BACH2: variants seen among roughly 807,000 people sequenced by gnomAD.
BACH2 encodes the protein BACH transcriptional regulator 2, also known as transcription regulator protein BACH2.
In BACH2, 5 loss-of-function variants were observed where a neutral mutation model predicts 61.8. The ratio of observed to expected loss-of-function variants is 0.08; its 90% CI spans 0.04 to 0.17. The LOEUF is 0.17. BACH2 is among the 10% of genes least tolerant of loss of function. The probability of loss-of-function intolerance (pLI) is 1.00; values close to 1 mark genes in which losing one functional copy is unlikely to be tolerated. For synonymous variants in BACH2, 446 were observed against 440.1 expected (o/e 1.01, Z -0.17); for missense variants, 824 against 1,091.1 (o/e 0.76, Z 3.45).
chr6:90,100,726 C>CAA (rs1342141921), intron 4 of BACH2, among the ~76,000 whole-genome samples: 1 of 94,366 alleles, frequency 1.1e-5, no homozygotes, highest in Non-Finnish European at 2.2e-5. Flanking sequence ...CACACACACA[C>CAA]AGACACACAC....
At chr6:90,271,510 G>A (rs1771524052) in intron 2 of BACH2, among the ~76,000 whole-genome samples, 1 of 151,930 alleles carries the variant, frequency 6.6e-6, no homozygotes, top group African/African-American at 2.4e-5. Context: ...TACAATTTAT[G>A]TGGTTTTTCT....
intron 1 of BACH2, among the ~76,000 whole-genome samples, chr6:90,292,350 C>T (rs995212794): frequency 6.6e-6 from 1 of 152,198 alleles, no homozygotes; most frequent in African/African-American, 2.4e-5. Flanking sequence ...TAAATCAAAA[C>T]TATTATTTTG....
intron 5 of BACH2, among the ~76,000 whole-genome samples, chr6:90,022,539 G>A (rs765994303): frequency 2.0e-5 from 3 of 152,312 alleles, no homozygotes; most frequent in South Asian, 4.1e-4. Context: ...AGCCAAGATC[G>A]TGCCACTGCA....
intron 4 of BACH2, among the ~76,000 whole-genome samples, chr6:90,117,681 G>A (rs143255180): frequency 6.9e-4 from 105 of 152,194 alleles, no homozygotes; most frequent in Admixed American, 1.6e-3. Flanking sequence ...ATGAACAAAG[G>A]AACTAATCCA....
intron 6 of BACH2, among the ~76,000 whole-genome samples, chr6:89,972,402 C>T (rs1775418069): frequency 6.6e-6 from 1 of 152,130 alleles, no homozygotes; most frequent in South Asian, 2.1e-4. Flanking sequence ...TTGGCGAAGT[C>T]TGAGAGTATA....
chr6:89,972,639 C>T (rs895406687), intron 6 of BACH2, among the ~76,000 whole-genome samples: 1 of 152,096 alleles, frequency 6.6e-6, no homozygotes, highest in African/African-American at 2.4e-5. Context: ...AATTCTGTAG[C>T]CTGGGGCTTT....
intron 5 of BACH2, among the ~76,000 whole-genome samples, chr6:90,023,464 TGTAA>T (rs1031472929): frequency 6.6e-6 from 1 of 152,146 alleles, no homozygotes; most frequent in African/African-American, 2.4e-5. Context: ...CCACTGTGAT[TGTAA>T]GTTTCCTGAG....
At chr6:90,252,790 A>T (rs984153599) in intron 2 of BACH2, among the ~76,000 whole-genome samples, 200 bp from the exon 3 acceptor site, 7 of 152,216 alleles carry the variant, frequency 4.6e-5, no homozygotes, top group African/African-American at 1.2e-4. Context: ...TACTAGGCTC[A>T]AATGTGAGGT....
chr6:90,252,156 C>G (rs1448046191), intron 3 of BACH2, among the ~76,000 whole-genome samples: 1 of 152,164 alleles, frequency 6.6e-6, no homozygotes. Context: ...ACATAAGGCA[C>G]CAGTTTTAAG....
At chr6:90,165,074 CA>C (rs1198765562) in intron 4 of BACH2, among the ~76,000 whole-genome samples, 2 of 152,058 alleles carry the variant, frequency 1.3e-5, no homozygotes, top group African/African-American at 4.8e-5. Context: ...GGCAATTAGG[CA>C]GGAGAAGGAA....
chr6:89,951,360 C>A lies in BACH2; in HGVS notation c.746G>T (p.Ser249Ile). 1 of 1,614,232 alleles carries A rather than the reference C, an allele frequency of 6.2e-7. No individual in the cohort carries two copies. Among genetic ancestry groups the A allele is most frequent in the South Asian group, 1.1e-5 (1 of 91,082 alleles). ...TKNVYNASSHSTSGFASTFRE... is the reference protein window; with the variant it reads ...TKNVYNASSHITSGFASTFRE... ...GAATGTGCTTGCAAAACCTGAGGTA[C>A]TGTGTGATGATGCATTATAGACATT... Residue 249 changes from serine to isoleucine, a missense_variant, in exon 7 of 9, where the codon AGT (serine) becomes ATT (isoleucine). Physicochemically the swap from Ser to Ile is moderately radical, Grantham distance 142 (BLOSUM62 -2). Transcript: ENST00000257749. The surrounding 1 kb of genome is among the most constrained non-coding windows in gnomAD (Gnocchi z 6.4).
intron 5 of BACH2, among the ~76,000 whole-genome samples, chr6:90,012,356 A>G (rs1448747098): frequency 2.0e-5 from 3 of 152,042 alleles, no homozygotes; most frequent in South Asian, 4.1e-4. Context: ...GCAGCCGGGC[A>G]TGGTGGCTTA....
Position 89,932,653 on chromosome 6 carries a change from C to A in BACH2, c.2281G>T (p.Ala761Ser), listed in dbSNP as rs374620073. 37 of 1,614,020 alleles carry A rather than the reference C, an allele frequency of 2.3e-5. No individual in the cohort carries two copies. The highest frequency in any genetic ancestry group is 2.5e-5 in the Non-Finnish European group (30 of 1,180,034). Reference sequence around the variant, plus strand: ...CAGCAGGGCACGTTTTCCCCCACTGCGCATTGGGAGGCCGCAATGTTCTGC... The same window carrying A: ...CAGCAGGGCACGTTTTCCCCCACTGAGCATTGGGAGGCCGCAATGTTCTGC... ...AEQNIAASQC[A>S]VGENVPCCLE... The change falls in exon 9 of 9, where the codon GCA (alanine) becomes TCA (serine). Residue 761 changes from alanine to serine, a missense_variant. Transcript: ENST00000257749.
intron 5 of BACH2, among the ~76,000 whole-genome samples, chr6:90,067,807 C>A (rs187096884): frequency 1.3e-5 from 2 of 152,146 alleles, no homozygotes; most frequent in Non-Finnish European, 2.9e-5. Context: ...CAAACACACA[C>A]GTTCTTTCTA....
At chr6:89,954,769 A>T (rs1370281488) in intron 6 of BACH2, among the ~76,000 whole-genome samples, 1 of 152,078 alleles carries the variant, frequency 6.6e-6, no homozygotes, top group Non-Finnish European at 1.5e-5. Flanking sequence ...TCCACATCAC[A>T]AATCAATGGC....
intron 5 of BACH2, among the ~76,000 whole-genome samples, chr6:90,051,845 T>C (rs1030750895): frequency 6.6e-6 from 1 of 152,200 alleles, no homozygotes; most frequent in African/African-American, 2.4e-5. Context: ...TAAATTTTCC[T>C]CCAAGTACAA....
chr6:90,191,291 G>A (rs1035376023), intron 4 of BACH2, among the ~76,000 whole-genome samples: 3 of 152,162 alleles, frequency 2.0e-5, no homozygotes, highest in Non-Finnish European at 2.9e-5. Context: ...GAAGTATTCT[G>A]AATCAAACAC....
At chr6:90,233,544 CTA>C (rs1219843297) in intron 3 of BACH2, among the ~76,000 whole-genome samples, 1 of 152,190 alleles carries the variant, frequency 6.6e-6, no homozygotes, top group African/African-American at 2.4e-5. Context: ...GTATCAAACT[CTA>C]TGAGTCTCAG....
intron 6 of BACH2, among the ~76,000 whole-genome samples, chr6:89,966,542 C>T (rs929006370): frequency 6.6e-6 from 1 of 152,238 alleles, no homozygotes; most frequent in African/African-American, 2.4e-5. Flanking sequence ...TGATCCAACA[C>T]CCACGCCCCT....
Sources: allele counts gnomAD v4.1 joint callset (sites outside exome capture counted in the v4.1 genomes callset), GRCh38; gene constraint gnomAD v4.1.1; non-coding constraint Gnocchi (gnomAD v3.1); transcripts MANE v1.5; gene names NCBI Gene and HGNC (gene_info 2026-07-23, HGNC 2026-07-21).